BRWD3: variants seen among roughly 807,000 people sequenced by gnomAD.
BRWD3 encodes the protein bromodomain and WD repeat-containing protein 3.
Under a neutral mutation model 149.7 loss-of-function variants are expected in BRWD3, and 10 were observed. The observed-to-expected ratio is 0.07, with a 90% CI of 0.04 to 0.11. BRWD3 has a LOEUF of 0.11. Among genes scored for constraint, BRWD3 ranks in the 10% least tolerant of loss-of-function variants. The pLI, the probability that BRWD3 is intolerant of heterozygous loss-of-function variation, is 1.00. For missense variants in BRWD3, 940 were observed against 1,373.2 expected (o/e 0.68, Z 4.99); for synonymous variants, 504 against 456.7 (o/e 1.10, Z -1.32).
intron 6 of BRWD3, among the ~76,000 whole-genome samples, chrX:80,790,166 A>G (rs2074163948): frequency 1.1e-5 from 1 of 93,743 alleles, no homozygotes. Flanking sequence ...AGCCTGAGTG[A>G]CAAGAGACAA....
At chrX:80,724,488 T>C (rs2073191710) in intron 15 of BRWD3, among the ~76,000 whole-genome samples, 1 of 111,715 alleles carries the variant, frequency 9.0e-6, no homozygotes, top group South Asian at 3.7e-4. Flanking sequence ...TTTCCATGGC[T>C]TGTATGAGAC....
At chrX:80,808,220 T>C (rs1334038011) in intron 4 of BRWD3, among the ~76,000 whole-genome samples, 1 of 109,105 alleles carries the variant, frequency 9.2e-6, no homozygotes. Flanking sequence ...TGCCCCAAGA[T>C]AACCCCTTGG....
chrX:80,744,303 T>G, intron 7 of BRWD3, 50 bp from the exon 8 acceptor site: 1 of 530,199 alleles, frequency 1.9e-6, no homozygotes, highest in Non-Finnish European at 3.0e-6. Context: ...AAATTCACAA[T>G]ACCCCCACCC....
intron 39 of BRWD3, 80 bp from the exon 40 acceptor site, chrX:80,681,579 A>G: frequency 1.3e-6 from 1 of 775,362 alleles, no homozygotes; most frequent in South Asian, 2.3e-5. Flanking sequence ...TTGAAACCAT[A>G]TCTCTGTTAT....
chrX:80,768,015 G>C (rs187841061), intron 6 of BRWD3, among the ~76,000 whole-genome samples: 2 of 111,056 alleles, frequency 1.8e-5, no homozygotes, highest in Non-Finnish European at 3.8e-5. Context: ...GAAATAAAGC[G>C]AAAAGTTTAG....
intron 6 of BRWD3, among the ~76,000 whole-genome samples, chrX:80,752,520 C>T (rs750171061): frequency 6.3e-5 from 7 of 111,689 alleles, no homozygotes; most frequent in Middle Eastern, 4.6e-3. Flanking sequence ...ATCCTACCAA[C>T]AGTGTGTTAA....
At chrX:80,690,244 A>G (rs1234054327) in intron 31 of BRWD3, 152 bp from the exon 32 acceptor site, 1 of 545,081 alleles carries the variant, frequency 1.8e-6, no homozygotes, top group African/African-American at 2.3e-5. Flanking sequence ...GATGAGCACT[A>G]AAAAGAGATG....
At chrX:80,772,798 T>C (rs1276021867) in intron 6 of BRWD3, among the ~76,000 whole-genome samples, 2 of 111,632 alleles carry the variant, frequency 1.8e-5, no homozygotes, top group African/African-American at 3.3e-5. Flanking sequence ...TAAATGTTCA[T>C]AGCAGCTTTA....
At position 80,691,027 on chromosome X, in the gene BRWD3, T is replaced by C. The variant is rs190510049; in HGVS notation, c.3602+26A>G. 9.8e-5 allele frequency: 118 copies of C among 1,198,266 alleles called. No individual in the cohort carries two copies. In the Middle Eastern group the frequency reaches 1.2e-3, roughly 12 times the overall value. On this transcript the variant is annotated intron_variant, in intron 31 of 40. Coordinates refer to ENST00000373275, the MANE Select transcript of BRWD3 (RefSeq NM_153252.5). ...AAAAGCCATAAAGCTATAAATTTTA[T>C]AATAAGTGATTAAAAAAAAACAGAC...
At chrX:80,734,097 C>T (rs369789389) in intron 11 of BRWD3, 21 bp downstream of exon 11, 6 of 1,026,770 alleles carry the variant, frequency 5.8e-6, no homozygotes, top group Non-Finnish European at 8.2e-6. Flanking sequence ...AATAAAGCAA[C>T]CGTTTCTGAT....
intron 6 of BRWD3, among the ~76,000 whole-genome samples, chrX:80,764,444 T>G (rs1346346482): frequency 2.7e-5 from 3 of 109,974 alleles, no homozygotes; most frequent in African/African-American, 1.0e-4. Context: ...TAGCTGGGAC[T>G]ACAGGCACCT....
intron 6 of BRWD3, among the ~76,000 whole-genome samples, chrX:80,748,107 T>C (rs2073618057): frequency 8.9e-6 from 1 of 111,839 alleles, no homozygotes; most frequent in African/African-American, 3.3e-5. Flanking sequence ...CCTCCCAAAG[T>C]GCTGGTGTTA....
chrX:80,722,509 T>A, intron 17 of BRWD3, 53 bp downstream of exon 17: 1 of 1,081,583 alleles, frequency 9.2e-7, no homozygotes, highest in Non-Finnish European at 1.3e-6. Context: ...AGAACAGCAG[T>A]AATGTATAAC....
chrX:80,759,750 C>T (rs2073783041), intron 6 of BRWD3, among the ~76,000 whole-genome samples: 2 of 111,650 alleles, frequency 1.8e-5, no homozygotes, highest in Admixed American at 1.9e-4. Context: ...TTTCATATGG[C>T]TCAACATGAT....
intron 6 of BRWD3, among the ~76,000 whole-genome samples, chrX:80,757,130 A>G (rs747106377): frequency 3.7e-4 from 41 of 112,207 alleles, no homozygotes; most frequent in Admixed American, 2.0e-3. Flanking sequence ...AGGTTATGTA[A>G]TAAGTTTTAG....
At chrX:80,766,683 C>T (rs1253382808) in intron 6 of BRWD3, among the ~76,000 whole-genome samples, 1 of 111,732 alleles carries the variant, frequency 8.9e-6, no homozygotes, top group Non-Finnish European at 1.9e-5. Context: ...TCTGCAGCTC[C>T]CAGCGTGATC....
At chrX:80,808,068 C>A (rs2074367339) in intron 4 of BRWD3, among the ~76,000 whole-genome samples, 2 of 86,528 alleles carry the variant, frequency 2.3e-5, no homozygotes, top group South Asian at 9.4e-4. Context: ...CCCTGCCCCC[C>A]CGCCCCCCCC....
rs918793386 is a variant in BRWD3, at chrX:80,687,106, A to G, written c.3865-103T>C. The G allele has an allele frequency of 1.4e-3, 305 of 220,762 alleles. 2 individuals are homozygous for G. The highest frequency in any genetic ancestry group is 2.3e-3 in the East Asian group (23 of 9,922). 18.2% of individuals were successfully genotyped at this position (220,762 alleles called of 1,213,427 possible). On this transcript the variant is annotated intron_variant, in intron 34 of 40. Coordinates refer to ENST00000373275, the MANE Select transcript of BRWD3 (RefSeq NM_153252.5). Reference sequence around the variant, plus strand: ...TATACCTATCTGTATGTGTGTATATATATATATATATATATATGGCAGCTG... The same window carrying G: ...TATACCTATCTGTATGTGTGTATATGTATATATATATATATATGGCAGCTG...
chrX:80,797,572 T>C (rs1344961113), intron 4 of BRWD3, among the ~76,000 whole-genome samples: 1 of 111,843 alleles, frequency 8.9e-6, no homozygotes, highest in African/African-American at 3.3e-5. Flanking sequence ...TGTTTGATTT[T>C]CAGCTAATTA....
Sources: allele counts gnomAD v4.1 joint callset (sites outside exome capture counted in the v4.1 genomes callset), GRCh38; gene constraint gnomAD v4.1.1; transcripts MANE v1.5; gene names NCBI Gene and HGNC (gene_info 2026-07-23, HGNC 2026-07-21).